The following QTMAN variants were observed in gnomAD, a reference collection of about 807,000 sequenced individuals.
QTMAN encodes the protein tRNA-queuosine alpha-mannosyltransferase.
chr2:144,154,066 T>A, the QTMAN span, among the ~76,000 whole-genome samples: 2 of 152,214 alleles, frequency 1.3e-5, no homozygotes. Context: ...GATTAGTATG[T>A]GACTCAGTGT....
At chr2:144,034,335 C>T in the QTMAN span, among the ~76,000 whole-genome samples, 1 of 152,230 alleles carries the variant, frequency 6.6e-6, no homozygotes, top group South Asian at 2.1e-4. Flanking sequence ...CACACCACCA[C>T]ACAATCCTCT....
At chr2:144,322,636 G>A in the QTMAN span, among the ~76,000 whole-genome samples, 10 of 152,016 alleles carry the variant, frequency 6.6e-5, no homozygotes, top group South Asian at 2.1e-4. Flanking sequence ...GTAGTGAAAC[G>A]GAAGCACATG....
chr2:144,038,822 A>G, the QTMAN span, among the ~76,000 whole-genome samples: 2 of 152,202 alleles, frequency 1.3e-5, no homozygotes, highest in Non-Finnish European at 2.9e-5. Flanking sequence ...TGGCATGTGG[A>G]TTTTAAGTTA....
the QTMAN span, among the ~76,000 whole-genome samples, chr2:144,073,115 T>C: frequency 4.6e-5 from 7 of 152,156 alleles, no homozygotes; most frequent in Admixed American, 6.5e-5. Context: ...TTTAAGCTAA[T>C]TGGAAATTGC....
chr2:144,261,542 T>C, the QTMAN span, among the ~76,000 whole-genome samples: 1 of 152,198 alleles, frequency 6.6e-6, no homozygotes, highest in African/African-American at 2.4e-5. Flanking sequence ...TGACATTTGT[T>C]AGCTGAGTCT....
the QTMAN span, among the ~76,000 whole-genome samples, chr2:143,987,650 T>G: frequency 1.3e-5 from 2 of 152,238 alleles, no homozygotes; most frequent in African/African-American, 4.8e-5. Flanking sequence ...GCTTCCTCTC[T>G]TGGTATTTCC....
At chr2:144,317,536 C>T in the QTMAN span, 3 of 152,294 alleles carry the variant, frequency 2.0e-5, no homozygotes, top group South Asian at 2.1e-4. Context: ...AGGATCACTG[C>T]CTTCCTCATA....
chr2:144,297,159 C>T, the QTMAN span, among the ~76,000 whole-genome samples: 1 of 151,676 alleles, frequency 6.6e-6, no homozygotes, highest in African/African-American at 2.4e-5. Context: ...TCAATTATAC[C>T]CAACAGTAGG....
chr2:144,169,703 T>G, the QTMAN span, among the ~76,000 whole-genome samples: 1 of 152,122 alleles, frequency 6.6e-6, no homozygotes, highest in African/African-American at 2.4e-5. Flanking sequence ...TATGTACATT[T>G]TAATAAAAAA....
the QTMAN span, among the ~76,000 whole-genome samples, chr2:144,103,224 T>C: frequency 6.6e-6 from 1 of 152,232 alleles, no homozygotes; most frequent in Non-Finnish European, 1.5e-5. Context: ...ACTAGTGTAT[T>C]AGATAACTGG....
the QTMAN span, chr2:144,007,189 G>A: frequency 6.3e-7 from 1 of 1,579,542 alleles, no homozygotes; most frequent in Non-Finnish European, 8.6e-7. Context: ...TACCACCTGT[G>A]AGGCCAGACA....
the QTMAN span, among the ~76,000 whole-genome samples, chr2:143,950,736 T>C: frequency 6.6e-6 from 1 of 151,766 alleles, no homozygotes; most frequent in South Asian, 2.1e-4. Context: ...TGATATTTCA[T>C]ACAAACAAAA....
At chr2:144,330,232 C>T in the QTMAN span, among the ~76,000 whole-genome samples, 1 of 152,148 alleles carries the variant, frequency 6.6e-6, no homozygotes, top group Admixed American at 6.5e-5. Flanking sequence ...TTACTGTACC[C>T]TTTCTAAGTT....
chr2:144,090,979 T>C, the QTMAN span, among the ~76,000 whole-genome samples: 1 of 151,958 alleles, frequency 6.6e-6, no homozygotes, highest in East Asian at 1.9e-4. Flanking sequence ...ATCAGTGTAG[T>C]ATTGACATCA....
the QTMAN span, among the ~76,000 whole-genome samples, chr2:144,234,487 G>C: frequency 6.6e-6 from 1 of 152,076 alleles, no homozygotes; most frequent in African/African-American, 2.4e-5. Context: ...CAGATCCCAT[G>C]CTGGCATATT....
the QTMAN span, chr2:144,007,252 CAACA>C: frequency 6.2e-7 from 1 of 1,612,958 alleles, no homozygotes; most frequent in Admixed American, 1.7e-5. Flanking sequence ...TCACAGGGAT[CAACA>C]GTCAGATTTT....
At chr2:144,161,705 A>T in the QTMAN span, among the ~76,000 whole-genome samples, 8,224 of 152,260 alleles carry the variant, frequency 0.054, 370 homozygotes, top group African/African-American at 0.12. Context: ...CAGCCCAAGT[A>T]AGTAGTAAAA....
the QTMAN span, among the ~76,000 whole-genome samples, chr2:144,319,369 G>T: frequency 2.0e-5 from 3 of 151,982 alleles, no homozygotes; most frequent in Admixed American, 6.6e-5. Context: ...TTTCTTTACT[G>T]TATTTCCCTT....
At chr2:144,267,843 G>C in the QTMAN span, among the ~76,000 whole-genome samples, 5 of 152,152 alleles carry the variant, frequency 3.3e-5, no homozygotes, top group Admixed American at 2.6e-4. Flanking sequence ...GCTCTAAATA[G>C]GTATTTCAAT....
Sources: allele counts gnomAD v4.1 joint callset (sites outside exome capture counted in the v4.1 genomes callset), GRCh38; gene constraint gnomAD v4.1.1; transcripts MANE v1.5; gene names NCBI Gene and HGNC (gene_info 2026-07-23, HGNC 2026-07-21).